The following FOXP1 variants were observed in gnomAD, a reference collection of about 807,000 sequenced individuals.
FOXP1 encodes forkhead box P1.
In FOXP1, 15 loss-of-function variants were observed where a neutral mutation model predicts 98.2. The ratio of observed to expected loss-of-function variants is 0.15; its 90% CI spans 0.10 to 0.24. The LOEUF is 0.24. FOXP1 is among the 10% of genes least tolerant of loss of function. The pLI is 1.00. For synonymous variants in FOXP1, 371 were observed against 314.5 expected (o/e 1.18, Z -1.90); for missense variants, 633 against 848.5 (o/e 0.75, Z 3.15).
intron 13 of FOXP1, among the ~76,000 whole-genome samples, chr3:70,995,968 CAA>C (rs1280039555): frequency 1.3e-5 from 2 of 152,172 alleles, no homozygotes; most frequent in African/African-American, 4.8e-5. Flanking sequence ...TTTCGTAAAT[CAA>C]GTCATATTTT....
chr3:71,348,743 C>T (rs979645752), intron 4 of FOXP1, among the ~76,000 whole-genome samples: 1 of 151,948 alleles, frequency 6.6e-6, no homozygotes, highest in African/African-American at 2.4e-5. Context: ...GTAATTAACA[C>T]AGGTTTTAGG....
intron 7 of FOXP1, among the ~76,000 whole-genome samples, chr3:71,111,212 A>G (rs1410567008): frequency 6.6e-6 from 1 of 152,182 alleles, no homozygotes; most frequent in Admixed American, 6.5e-5. Context: ...CCTATCAGCT[A>G]CCGCTTATAG....
At chr3:71,405,168 G>C (rs1001347211) in intron 3 of FOXP1, among the ~76,000 whole-genome samples, 5 of 152,184 alleles carry the variant, frequency 3.3e-5, no homozygotes, top group Admixed American at 2.0e-4. Context: ...GTGAGCCTTG[G>C]GTTCAAGTCC....
chr3:71,022,750 C>T (rs187842483), intron 11 of FOXP1, among the ~76,000 whole-genome samples: 2 of 152,310 alleles, frequency 1.3e-5, no homozygotes, highest in East Asian at 3.9e-4. Flanking sequence ...CATTTGAAAG[C>T]TGAAGAGAAT....
chr3:71,490,047 T>C (rs1403323438), intron 3 of FOXP1, among the ~76,000 whole-genome samples: 1 of 152,188 alleles, frequency 6.6e-6, no homozygotes, highest in Non-Finnish European at 1.5e-5. Context: ...CTTTTGGTTG[T>C]TCAATAAACT....
rs141721433 is a variant in FOXP1 at position 71,267,997 on chromosome 3, G to A, written c.-12+31823C>T. On this transcript the variant is annotated intron_variant, in intron 5 of 20. Coordinates refer to ENST00000649528, the MANE Select transcript of FOXP1 (RefSeq NM_001349338.3). ...CACAGCACTGTACCCTAGCCTGGGCGACAAAGCGAGACTCCGTCTCAAAAA... is the reference window on the plus strand; with the variant it reads ...CACAGCACTGTACCCTAGCCTGGGCAACAAAGCGAGACTCCGTCTCAAAAA... 7.7e-3 allele frequency among the ~76,000 whole-genome samples: 992 copies of A among 128,854 alleles called. 12 individuals carry two copies. The highest frequency in any genetic ancestry group is 0.026 in the African/African-American group (892 of 34,268). 84.5% of individuals were successfully genotyped at this position (128,854 alleles called of 152,430 possible).
At chr3:70,963,179 C>A (rs1003321009) in intron 20 of FOXP1, among the ~76,000 whole-genome samples, 1 of 152,190 alleles carries the variant, frequency 6.6e-6, no homozygotes, top group East Asian at 1.9e-4. Context: ...CCTGTAGGCT[C>A]GACTCCCAGT....
chr3:70,957,222 C>G lies in FOXP1; in HGVS notation c.*2025G>C. The G allele has an allele frequency of 4.5e-6, 1 of 224,352 alleles. No homozygotes were observed. Among genetic ancestry groups the G allele is most frequent in the Non-Finnish European group, 8.9e-6 (1 of 112,440 alleles). 13.9% of individuals were successfully genotyped at this position (224,352 alleles called of 1,614,324 possible). A position where few individuals can be genotyped will look rare whatever the true frequency, so the allele number is the denominator to read the frequency against. On this transcript the variant is annotated 3_prime_UTR_variant, in exon 21 of 21. Coordinates refer to ENST00000649528, the MANE Select transcript of FOXP1 (RefSeq NM_001349338.3). Reference sequence around the variant, plus strand: ...TAATATTGTGTCCTATTTTTATCTGCAGTAGCCCCATAAAATCTCTTTAAG... The same window carrying G: ...TAATATTGTGTCCTATTTTTATCTGGAGTAGCCCCATAAAATCTCTTTAAG...
chr3:71,137,648 G>A (rs950372884), intron 6 of FOXP1, among the ~76,000 whole-genome samples: 3 of 152,060 alleles, frequency 2.0e-5, no homozygotes, highest in African/African-American at 4.8e-5. Flanking sequence ...TCCAATGCCA[G>A]CAGTGAAAAT....
intron 3 of FOXP1, among the ~76,000 whole-genome samples, chr3:71,479,694 G>A (rs1223810892): frequency 1.0e-4 from 14 of 138,658 alleles, no homozygotes; most frequent in African/African-American, 1.1e-4. Flanking sequence ...AAAAAAAAAA[G>A]AAAAGAAAAG....
intron 9 of FOXP1, among the ~76,000 whole-genome samples, chr3:71,052,165 C>T (rs2049983158): frequency 6.7e-6 from 1 of 148,544 alleles, no homozygotes; most frequent in African/African-American, 2.6e-5. Flanking sequence ...GCTCTGTGAG[C>T]TGGGGAAAAA....
At chr3:71,016,514 A>C (rs1318101264) in intron 11 of FOXP1, among the ~76,000 whole-genome samples, 1 of 152,126 alleles carries the variant, frequency 6.6e-6, no homozygotes, top group Non-Finnish European at 1.5e-5. Context: ...CTTAAATTCC[A>C]TCAGATAGAA....
rs1559684803 is a variant in FOXP1 at position 71,000,966 on chromosome 3, T to C, written c.1062+6A>G. The C allele has an allele frequency of 1.3e-6, 2 of 1,595,070 alleles. No individual in the cohort carries two copies. The highest frequency in any genetic ancestry group is 1.7e-6 in the Non-Finnish European group (2 of 1,162,846). On this transcript the variant is annotated splice_donor_region_variant and intron_variant, in intron 13 of 20. Coordinates refer to ENST00000649528, the MANE Select transcript of FOXP1 (RefSeq NM_001349338.3). The stretch of plus-strand genomic sequence containing the variant: ...AGGTTAATATTAAAAATAAATGTGG[T>C]TTTACCTGTAGCTCTAACTGCTGTA...
rs968119492 is a variant in FOXP1, at chr3:71,390,008, G to A, written c.-167-30764C>T. Among the ~76,000 whole-genome samples the A allele has an allele frequency of 2.6e-5, 4 of 152,318 alleles. No individual in the cohort carries two copies. In the South Asian group the frequency reaches 6.2e-4, roughly 24 times the overall value. On this transcript the variant is annotated intron_variant, in intron 3 of 20. Transcript: ENST00000649528. ...AGCAAACTCCACTGAAAGAGAAGTC[G>A]CTGCCAACTCAAATACTATTTGCTT... is the stretch of plus-strand genomic sequence containing the variant.
rs187313268 is a variant in FOXP1 at position 71,134,047 on chromosome 3, T to C, written c.181-21410A>G. On this transcript the variant is annotated intron_variant, in intron 6 of 20. Transcript: ENST00000649528. ...CCTATTCTGTCCCCACCCCCATTTA[T>C]GGAATTCTTGACCCTTGTCCATTTC... Among the ~76,000 whole-genome samples, 46 of 152,286 alleles carry C rather than the reference T, an allele frequency of 3.0e-4. 3 individuals carry two copies. Among genetic ancestry groups the C allele is most frequent in the African/African-American group, 1.1e-3 (44 of 41,542 alleles).
chr3:71,404,764 C>A (rs553213337), intron 3 of FOXP1, among the ~76,000 whole-genome samples: 1 of 152,220 alleles, frequency 6.6e-6, no homozygotes, highest in East Asian at 1.9e-4. Flanking sequence ...GAGAAGAATA[C>A]CATTTTACCC....
intron 3 of FOXP1, among the ~76,000 whole-genome samples, chr3:71,409,154 C>T (rs185710838): frequency 1.7e-4 from 26 of 152,236 alleles, no homozygotes; most frequent in Admixed American, 1.6e-3. Flanking sequence ...CTCATGGCCC[C>T]CTCAGGTCTC....
At chr3:71,390,482 C>A (rs879504854) in intron 3 of FOXP1, among the ~76,000 whole-genome samples, 1 of 144,132 alleles carries the variant, frequency 6.9e-6, no homozygotes, top group African/African-American at 2.6e-5. Flanking sequence ...TCTGCCAAAG[C>A]AAATATCCTT....
At chr3:71,319,138 T>C (rs2107659166) in intron 4 of FOXP1, among the ~76,000 whole-genome samples, 1 of 152,298 alleles carries the variant, frequency 6.6e-6, no homozygotes, top group Admixed American at 6.5e-5. Context: ...TTTTTTTTGA[T>C]AGAAATCTTT....
Sources: gnomAD v4.1 joint callset for allele counts (sites outside exome capture counted in the v4.1 genomes callset) on GRCh38, gnomAD v4.1.1 for gene constraint, MANE v1.5 for transcripts, NCBI Gene and HGNC (gene_info 2026-07-23, HGNC 2026-07-21) for gene names.